The following MYH11 variants were observed in gnomAD, a reference collection of about 807,000 sequenced individuals.
MYH11 encodes the protein myosin-11.
A neutral mutation model predicts 246.6 loss-of-function variants in MYH11; 80 were observed. That is an observed-to-expected ratio of 0.32 (90% CI 0.27 to 0.39). The LOEUF (loss-of-function observed/expected upper bound fraction) is 0.39. Among genes scored for constraint, MYH11 ranks in the 10% least tolerant of loss-of-function variants. The pLI is 1.00. For synonymous variants in MYH11, 1,071 were observed against 1,015.5 expected, an observed-to-expected ratio of 1.05 and a Z score of -1.04; for missense variants, 2,158 against 2,546.8, an observed-to-expected ratio of 0.85 and a Z score of 3.29.
At position 15,717,290 on chromosome 16, in the gene MYH11, C is replaced by T. The variant is rs746310860; in HGVS notation, c.5354G>A (p.Ser1785Asn). Residue 1785 changes from serine (S) to asparagine (N), a missense_variant, in exon 38 of 41, where the codon AGT (serine) becomes AAT (asparagine). Ser to Asn is a conservative substitution (Grantham distance 46). Around this residue, in one of 11 missense-constraint regions of MYH11, gnomAD observed 1,013 missense variants for 993.5 expected, o/e 1.02. Transcript: ENST00000300036. Reference sequence around the variant, plus strand: ...CTGCCGCTCGAGCTGCTGCCGGGCACTCTCATTCTTCTGGGCCGTGCTGCG... The same window carrying T: ...CTGCCGCTCGAGCTGCTGCCGGGCATTCTCATTCTTCTGGGCCGTGCTGCG... ...TERSTAQKNE[S>N]ARQQLERQNK... is the part of the protein sequence containing the mutation. 6.2e-7 allele frequency: 1 copy of T among 1,613,310 alleles called. No individual in the cohort carries two copies. The highest frequency in any genetic ancestry group is 2.2e-5 in the East Asian group (1 of 44,898).
At chr16:15,733,151 G>A (rs1220934732) in intron 26 of MYH11, among the ~76,000 whole-genome samples, 2 of 152,314 alleles carry the variant, frequency 1.3e-5, no homozygotes, top group East Asian at 3.9e-4. Flanking sequence ...CTAAGAGAGG[G>A]TAAGCAGTTT....
chr16:15,764,505 T>G (rs1157629332), intron 9 of MYH11, among the ~76,000 whole-genome samples: 6 of 152,054 alleles, frequency 3.9e-5, no homozygotes, highest in African/African-American at 7.2e-5. Flanking sequence ...CTGACATATC[T>G]TCCAGACACA....
chr16:15,709,128 G>A (rs1022692551), intron 40 of MYH11, among the ~76,000 whole-genome samples: 11 of 150,436 alleles, frequency 7.3e-5, no homozygotes, highest in African/African-American at 2.7e-4. Flanking sequence ...TTTTAGTACA[G>A]ATGGGGTTGC....
At chr16:15,765,378 T>C (rs1320540660) in intron 9 of MYH11, among the ~76,000 whole-genome samples, 2 of 151,588 alleles carry the variant, frequency 1.3e-5, no homozygotes, top group Non-Finnish European at 2.9e-5. Context: ...GATTGATGGA[T>C]AGACGATGGA....
At chr16:15,712,459 G>C (rs1162064477) in intron 40 of MYH11, among the ~76,000 whole-genome samples, 1 of 152,068 alleles carries the variant, frequency 6.6e-6, no homozygotes, top group African/African-American at 2.4e-5. Context: ...ACCAGCCTGG[G>C]CAACATGGTG....
At chr16:15,829,046 T>G (rs1461330626) in intron 2 of MYH11, among the ~76,000 whole-genome samples, 1 of 151,732 alleles carries the variant, frequency 6.6e-6, no homozygotes, top group Non-Finnish European at 1.5e-5. Flanking sequence ...TAGCTGGGTG[T>G]GGTGGCGCAT....
intron 21 of MYH11, 21 bp from the exon 22 acceptor site, chr16:15,741,690 G>A (rs1193610207): frequency 1.2e-6 from 2 of 1,613,888 alleles, no homozygotes; most frequent in Non-Finnish European, 1.7e-6. Context: ...GTGGTGGGGA[G>A]GAGGCGGGTG....
At chr16:15,758,281 G>C (rs866515785) in intron 12 of MYH11, among the ~76,000 whole-genome samples, 2 of 152,204 alleles carry the variant, frequency 1.3e-5, no homozygotes, top group Admixed American at 1.3e-4. Flanking sequence ...GCACGCTACT[G>C]CATGTACAGA....
chr16:15,725,249 AT>A, intron 28 of MYH11: 1 of 596,504 alleles, frequency 1.7e-6, no homozygotes, highest in Non-Finnish European at 3.0e-6. Context: ...CTAAGAACTT[AT>A]TTGAGCCCCA....
chr16:15,757,730 A>G (rs1226739824), intron 13 of MYH11, 97 bp downstream of exon 13: 8 of 1,474,450 alleles, frequency 5.4e-6, no homozygotes, highest in Middle Eastern at 1.8e-4. Context: ...GGGGAATGCT[A>G]TGTGCATGGG....
At chr16:15,717,464 C>T in intron 37 of MYH11, 116 bp from the exon 38 acceptor site, 2 of 1,039,894 alleles carry the variant, frequency 1.9e-6, no homozygotes, top group South Asian at 1.4e-5. Context: ...ATCCCGGGCA[C>T]CCTGTCCTCT....
At chr16:15,730,206 C>T (rs1269905839) in intron 27 of MYH11, among the ~76,000 whole-genome samples, 11 of 151,868 alleles carry the variant, frequency 7.2e-5, no homozygotes, top group South Asian at 6.3e-4. Flanking sequence ...CCTGCAGAAC[C>T]GTGAGCCAAT....
At chr16:15,763,738 A>ACCCCCCCCCCCCCC in intron 10 of MYH11, 58 bp downstream of exon 10, 1 of 717,694 alleles carries the variant, frequency 1.4e-6, no homozygotes, top group Non-Finnish European at 2.6e-6. Flanking sequence ...GTTAAATGTC[A>ACCCCCCCCCCCCCC]CCTCCCCCAC....
At chr16:15,800,399 G>T (rs747337408) in intron 3 of MYH11, among the ~76,000 whole-genome samples, 34 of 151,866 alleles carry the variant, frequency 2.2e-4, no homozygotes, top group Non-Finnish European at 1.0e-4. Flanking sequence ...TAGATGGATG[G>T]AAAGAAGGAA....
intron 8 of MYH11, chr16:15,775,821 G>T: frequency 1.8e-6 from 1 of 563,206 alleles, no homozygotes; most frequent in South Asian, 2.1e-5. Flanking sequence ...AATGAGACAT[G>T]AATCATTAAT....
chr16:15,773,333 G>A (rs2042149807), intron 8 of MYH11, among the ~76,000 whole-genome samples: 1 of 137,324 alleles, frequency 7.3e-6, no homozygotes, highest in Non-Finnish European at 1.5e-5. Context: ...CTTTGTCCAG[G>A]TTGGAGTGCA....
At chr16:15,733,805 A>T (rs1287840936) in intron 26 of MYH11, among the ~76,000 whole-genome samples, 1 of 152,140 alleles carries the variant, frequency 6.6e-6, no homozygotes. Flanking sequence ...AGCCTCCCAA[A>T]GTGCTGGGAT....
intron 9 of MYH11, among the ~76,000 whole-genome samples, chr16:15,768,387 G>A (rs978240083): frequency 1.3e-5 from 2 of 152,088 alleles, no homozygotes; most frequent in African/African-American, 2.4e-5. Context: ...CCAATGTGGT[G>A]GGGAAAATCC....
intron 26 of MYH11, 149 bp from the exon 27 acceptor site, chr16:15,732,857 T>A: frequency 1.0e-6 from 1 of 980,338 alleles, no homozygotes; most frequent in Non-Finnish European, 1.5e-6. Context: ...GTCATTCACC[T>A]AACATCTCTG....
Sources: gnomAD v4.1 joint callset for allele counts (sites outside exome capture counted in the v4.1 genomes callset) on GRCh38, gnomAD v4.1.1 for gene constraint, gnomAD v4.1.1 regional missense constraint, MANE v1.5 for transcripts, NCBI Gene and HGNC (gene_info 2026-07-23, HGNC 2026-07-21) for gene names.